Variants in SLC4A4 observed in about 807,000 individuals in gnomAD.
The protein encoded by SLC4A4 is solute carrier family 4 member 4.
In SLC4A4, 27 loss-of-function variants were observed where a neutral mutation model predicts 111.5. That is an observed-to-expected ratio of 0.24 (90% confidence interval 0.18 to 0.33). The LOEUF is 0.33. Among genes scored for constraint, SLC4A4 ranks in the 10% least tolerant of loss-of-function variants. The pLI is 1.00. For missense variants in SLC4A4, 909 were observed against 1,315.5 expected (o/e 0.69, Z 4.78); for synonymous variants, 443 against 463.4 (o/e 0.96, Z 0.57).
At chr4:71,481,048 T>C (rs113089734) in intron 14 of SLC4A4, among the ~76,000 whole-genome samples, 7 of 151,738 alleles carry the variant, frequency 4.6e-5, no homozygotes, top group African/African-American at 1.7e-4. Flanking sequence ...CTACACTGTG[T>C]TATTTTATCT....
chr4:71,311,174 GA>G (rs1205347789), intron 3 of SLC4A4, among the ~76,000 whole-genome samples: 1 of 152,082 alleles, frequency 6.6e-6, no homozygotes, highest in Non-Finnish European at 1.5e-5. Flanking sequence ...CCCAATACAG[GA>G]GCACCCAGAT....
intron 2 of SLC4A4, among the ~76,000 whole-genome samples, chr4:71,121,939 A>G (rs1293773427): frequency 6.6e-6 from 1 of 151,862 alleles, no homozygotes; most frequent in African/African-American, 2.4e-5. Context: ...GGAATGAACA[A>G]CTCCGGACGG....
intron 16 of SLC4A4, among the ~76,000 whole-genome samples, chr4:71,529,046 C>T (rs137953616): frequency 7.9e-5 from 12 of 151,820 alleles, no homozygotes; most frequent in South Asian, 2.1e-4. Flanking sequence ...CAGGCATGTG[C>T]GATAGTTAAT....
intron 16 of SLC4A4, among the ~76,000 whole-genome samples, chr4:71,516,127 G>A (rs1398206867): frequency 1.4e-4 from 14 of 98,106 alleles, no homozygotes; most frequent in African/African-American, 5.6e-4. Context: ...ATGGAGTCTC[G>A]CTCTGTCACC....
At chr4:71,372,436 T>C (rs1731977473) in intron 6 of SLC4A4, among the ~76,000 whole-genome samples, 2 of 152,216 alleles carry the variant, frequency 1.3e-5, no homozygotes, top group African/African-American at 4.8e-5. Context: ...CCCACCTAAA[T>C]GCCTTGCCAT....
At chr4:71,344,162 T>C (rs916381274) in intron 4 of SLC4A4, among the ~76,000 whole-genome samples, 10 of 152,174 alleles carry the variant, frequency 6.6e-5, no homozygotes, top group Non-Finnish European at 1.0e-4. Flanking sequence ...GTTTTGCCAC[T>C]GTATTCCTAG....
chr4:71,356,849 A>T (rs925943486), intron 5 of SLC4A4, among the ~76,000 whole-genome samples, 159 bp from the exon 6 acceptor site: 2 of 152,210 alleles, frequency 1.3e-5, no homozygotes, highest in African/African-American at 4.8e-5. Context: ...ATATCTGTGT[A>T]CCCTGTGTCT....
chr4:71,382,807 A>G (rs917166960), intron 6 of SLC4A4, among the ~76,000 whole-genome samples: 1 of 152,174 alleles, frequency 6.6e-6, no homozygotes, highest in Non-Finnish European at 1.5e-5. Context: ...GGGTATCTAA[A>G]CTCATTGTTC....
At chr4:71,303,963 T>C (rs1725480766) in intron 3 of SLC4A4, among the ~76,000 whole-genome samples, 1 of 152,182 alleles carries the variant, frequency 6.6e-6, no homozygotes, top group African/African-American at 2.4e-5. Flanking sequence ...CTATGCATTG[T>C]CTTATTTAAT....
intron 2 of SLC4A4, among the ~76,000 whole-genome samples, chr4:71,096,025 A>T (rs1742535533): frequency 6.6e-6 from 1 of 152,058 alleles, no homozygotes. Context: ...GGCCTGGAGG[A>T]TTTTTGTCTC....
At chr4:71,179,083 A>G (rs964443775) in intron 2 of SLC4A4, among the ~76,000 whole-genome samples, 7 of 152,242 alleles carry the variant, frequency 4.6e-5, no homozygotes, top group African/African-American at 1.7e-4. Flanking sequence ...CCAGCATATA[A>G]ACAGAACCAA....
At chr4:71,459,567 T>C (rs1560527272) in intron 12 of SLC4A4, among the ~76,000 whole-genome samples, 1 of 152,092 alleles carries the variant, frequency 6.6e-6, no homozygotes, top group Non-Finnish European at 1.5e-5. Flanking sequence ...ACATGATGCA[T>C]GTGCTATTAC....
chr4:71,335,872 C>T (rs990125577), intron 3 of SLC4A4, among the ~76,000 whole-genome samples: 3 of 151,864 alleles, frequency 2.0e-5, no homozygotes, highest in African/African-American at 4.8e-5. Flanking sequence ...ATTCATTGTA[C>T]CTTGTATCAG....
intron 3 of SLC4A4, among the ~76,000 whole-genome samples, chr4:71,292,846 T>TTG (rs1215737203): frequency 4.2e-5 from 6 of 142,782 alleles, no homozygotes; most frequent in South Asian, 4.7e-4. Flanking sequence ...TTTTTTGTTT[T>TTG]TTTTTTTTTT....
At chr4:71,272,164 A>G (rs1226196421) in intron 3 of SLC4A4, among the ~76,000 whole-genome samples, 1 of 152,228 alleles carries the variant, frequency 6.6e-6, no homozygotes, top group Non-Finnish European at 1.5e-5. Context: ...GACCCAGATT[A>G]TAGGTTGGTC....
chr4:71,552,053 G>GTTC, intron 20 of SLC4A4, among the ~76,000 whole-genome samples: 1 of 151,968 alleles, frequency 6.6e-6, no homozygotes, highest in Middle Eastern at 3.4e-3. Context: ...ACCAAGGAGA[G>GTTC]TTCTGCTGGG....
At chr4:71,459,593 C>T (rs1278071799) in intron 12 of SLC4A4, among the ~76,000 whole-genome samples, 1 of 152,018 alleles carries the variant, frequency 6.6e-6, no homozygotes, top group African/African-American at 2.4e-5. Flanking sequence ...CAGAGCCCCT[C>T]TTAGTGGACT....
chr4:71,427,656 T>C (rs1179400336), intron 7 of SLC4A4, among the ~76,000 whole-genome samples: 1 of 151,218 alleles, frequency 6.6e-6, no homozygotes, highest in Non-Finnish European at 1.5e-5. Flanking sequence ...GAGATAATTT[T>C]ATACTCTAGA....
chr4:71,127,484 A>T (rs1396614091), intron 2 of SLC4A4, among the ~76,000 whole-genome samples: 1 of 152,242 alleles, frequency 6.6e-6, no homozygotes, highest in African/African-American at 2.4e-5. Context: ...GTCAGCCACT[A>T]AAATCAACTA....
Sources: gnomAD v4.1 joint callset for allele counts (sites outside exome capture counted in the v4.1 genomes callset) on GRCh38, gnomAD v4.1.1 for gene constraint, MANE v1.5 for transcripts, NCBI Gene and HGNC (gene_info 2026-07-23, HGNC 2026-07-21) for gene names.